Variants in ADGRL4 observed in about 807,000 individuals in gnomAD.
ADGRL4 encodes EGF, latrophilin and seven transmembrane domain containing 1.
In ADGRL4, 90 loss-of-function variants were observed where a neutral mutation model predicts 74.8. The ratio of observed to expected loss-of-function variants is 1.20; its 90% CI spans 1.02 to 1.43. The LOEUF is 1.43. ADGRL4 is among the 40% of genes most tolerant of loss of function. The pLI, the probability that ADGRL4 is intolerant of heterozygous loss-of-function variation, is 0.00. For missense variants in ADGRL4, 881 were observed against 814.3 expected (o/e 1.08, Z -1.00); for synonymous variants, 311 against 279.2 (o/e 1.11, Z -1.14).
chr1:78,920,161 A>T (rs766393708), intron 10 of ADGRL4, 22 bp downstream of exon 10: 5 of 1,568,242 alleles, frequency 3.2e-6, no homozygotes. Context: ...GGACAAAAAT[A>T]GAGATTAGGA....
chr1:78,966,873 T>C (rs898729777), intron 2 of ADGRL4, among the ~76,000 whole-genome samples: 2 of 151,016 alleles, frequency 1.3e-5, no homozygotes, highest in Non-Finnish European at 3.0e-5. Context: ...TTCTTTCTTT[T>C]TTTTTTTTTC....
intron 2 of ADGRL4, among the ~76,000 whole-genome samples, chr1:78,954,899 A>T (rs76553817): frequency 2.0e-5 from 3 of 152,116 alleles, no homozygotes; most frequent in Non-Finnish European, 1.5e-5. Context: ...TTACTAAAAA[A>T]TTTGTGCTTA....
chr1:79,001,941 A>G (rs967720948), intron 2 of ADGRL4, among the ~76,000 whole-genome samples: 4 of 152,038 alleles, frequency 2.6e-5, no homozygotes, highest in Admixed American at 2.6e-4. Flanking sequence ...TGTGATGGTT[A>G]TTTAAAAAAA....
intron 12 of ADGRL4, among the ~76,000 whole-genome samples, chr1:78,894,838 T>G (rs1429143686): frequency 6.6e-6 from 1 of 151,922 alleles, no homozygotes. Context: ...GTTCTCTAGA[T>G]CCACAAGTTT....
rs200539312 is a variant in ADGRL4, at chr1:78,946,265, C to T, written c.325+9G>A. ...ATATACAAATTCTAACTTAGATAAC[C>T]GAACTTACCTATACAGACGGTTCCA... On this transcript the variant is annotated intron_variant, in intron 3 of 14. Transcript: ENST00000370742. 6.6e-5 allele frequency: 105 copies of T among 1,586,418 alleles called. No individual in the cohort carries two copies. The highest frequency in any genetic ancestry group is 5.1e-4 in the Middle Eastern group (3 of 5,896).
At chr1:78,956,156 G>A (rs866029649) in intron 2 of ADGRL4, among the ~76,000 whole-genome samples, 16 of 152,048 alleles carry the variant, frequency 1.1e-4, no homozygotes, top group East Asian at 7.7e-4. Flanking sequence ...AGATATTGCC[G>A]AAACACAAAA....
chr1:78,975,061 C>A (rs1259188189), intron 2 of ADGRL4, among the ~76,000 whole-genome samples: 1 of 152,064 alleles, frequency 6.6e-6, no homozygotes, highest in African/African-American at 2.4e-5. Flanking sequence ...CTGTAGTGGG[C>A]AGGTAAAATT....
chr1:78,948,866 C>T (rs1378385252), intron 2 of ADGRL4, among the ~76,000 whole-genome samples: 1 of 152,078 alleles, frequency 6.6e-6, no homozygotes, highest in South Asian at 2.1e-4. Flanking sequence ...GTGAATATAT[C>T]TATATTGGGA....
At chr1:78,968,601 G>A (rs568481429) in intron 2 of ADGRL4, among the ~76,000 whole-genome samples, 3 of 152,010 alleles carry the variant, frequency 2.0e-5, no homozygotes, top group East Asian at 3.9e-4. Flanking sequence ...CTGAATAAAT[G>A]CAAACTTCAC....
chr1:78,913,476 C>T (rs746483658), intron 12 of ADGRL4, among the ~76,000 whole-genome samples: 6 of 151,844 alleles, frequency 4.0e-5, no homozygotes, highest in Admixed American at 2.6e-4. Flanking sequence ...TTTGCAGGGT[C>T]GTGGATGGAA....
At chr1:78,975,989 G>C (rs1650270000) in intron 2 of ADGRL4, among the ~76,000 whole-genome samples, 1 of 151,894 alleles carries the variant, frequency 6.6e-6, no homozygotes, top group Non-Finnish European at 1.5e-5. Context: ...ATCCCTGAAA[G>C]ATAAGTTTAA....
chr1:78,921,903 A>G, intron 8 of ADGRL4, 117 bp from the exon 9 acceptor site: 1 of 498,874 alleles, frequency 2.0e-6, no homozygotes. Flanking sequence ...AGTGAAACAC[A>G]AAACAAATTA....
At chr1:78,936,551 G>A in intron 6 of ADGRL4, 140 bp from the exon 7 acceptor site, 1 of 786,854 alleles carries the variant, frequency 1.3e-6, no homozygotes, top group East Asian at 3.5e-5. Context: ...CATTCTTAAT[G>A]TGTTTGGACA....
intron 2 of ADGRL4, among the ~76,000 whole-genome samples, chr1:78,997,647 C>T (rs1650745637): frequency 1.3e-5 from 2 of 152,058 alleles, no homozygotes; most frequent in South Asian, 4.1e-4. Flanking sequence ...TTTTCTTCAA[C>T]CTAAAAGTAT....
In ADGRL4 at chr1:78,917,949, AC is replaced by A. The variant is rs1442934993; in HGVS notation, c.1562del (p.Gly521ValfsTer19). 1 of 1,612,718 alleles carries A rather than the reference AC, an allele frequency of 6.2e-7. No homozygotes were observed. The highest frequency in any genetic ancestry group is 1.7e-5 in the Admixed American group (1 of 59,868). ...GCAAAAATCCCTTGTTGTAGATGAC[AC>A]CCACAACAATGAGATAGAGATGTAT... ...EGIHLYLIVV[G>X]VIYNKGFLHK... On this transcript the variant is annotated frameshift_variant, in exon 11 of 15. Transcript: ENST00000370742. LOFTEE classifies it high-confidence loss of function.
chr1:78,978,006 A>G (rs1419171094), intron 2 of ADGRL4, among the ~76,000 whole-genome samples: 3 of 151,886 alleles, frequency 2.0e-5, no homozygotes, highest in Admixed American at 6.6e-5. Context: ...GTATCCTTCA[A>G]ACAAGTTTTG....
intron 2 of ADGRL4, among the ~76,000 whole-genome samples, chr1:78,966,953 A>G (rs930998624): frequency 2.9e-5 from 4 of 140,224 alleles, no homozygotes; most frequent in Non-Finnish European, 6.1e-5. Flanking sequence ...TTAAATTTTT[A>G]GTTGTGACAA....
At chr1:78,959,728 T>C (rs962123080) in intron 2 of ADGRL4, among the ~76,000 whole-genome samples, 2 of 152,168 alleles carry the variant, frequency 1.3e-5, no homozygotes, top group Non-Finnish European at 2.9e-5. Flanking sequence ...TTTACTTTCT[T>C]AAAACTGTTG....
In ADGRL4 at chr1:78,891,529, T is replaced by A; in HGVS notation, c.2005A>T (p.Arg669Ter). 6.2e-7 allele frequency: 1 copy of A among 1,612,082 alleles called. No individual in the cohort carries two copies. Residue 669 changes from arginine to a stop codon, truncating the protein, a stop_gained, in exon 14 of 15, where the codon AGA becomes TGA. Coordinates refer to ENST00000370742, the MANE Select transcript of ADGRL4 (RefSeq NM_022159.4). LOFTEE classifies it high-confidence loss of function. ...FIFLFLCVLS[R>*]KIQEEYYRLF... ...CAAAATAAGAAATTGTTTACCTTTCTAGATAAAACACACAGGAATAAAAAA... is the reference window on the plus strand; with the variant it reads ...CAAAATAAGAAATTGTTTACCTTTCAAGATAAAACACACAGGAATAAAAAA...
Sources: allele counts gnomAD v4.1 joint callset (sites outside exome capture counted in the v4.1 genomes callset), GRCh38; gene constraint gnomAD v4.1.1; transcripts MANE v1.5; gene names NCBI Gene and HGNC (gene_info 2026-07-23, HGNC 2026-07-21).